Variants in DAB2 observed in about 807,000 individuals in gnomAD.
DAB2 encodes DAB adaptor protein 2.
Under a neutral mutation model 71.6 loss-of-function variants are expected in DAB2, and 28 were observed. The ratio of observed to expected loss-of-function variants is 0.39; its 90% CI spans 0.29 to 0.54. DAB2 has a LOEUF of 0.54. Ranked by LOEUF, DAB2 falls within the 20% of genes least tolerant of loss-of-function variation. The pLI is 0.68. For synonymous variants in DAB2, 345 were observed against 339.7 expected, an observed-to-expected ratio of 1.02 and a Z score of -0.17; for missense variants, 867 against 928.8, an observed-to-expected ratio of 0.93 and a Z score of 0.86.
In DAB2 at chr5:39,372,985, A is replaced by G. The variant is rs1221266246; in HGVS notation, c.*446T>C. The G allele has an allele frequency of 6.6e-6, 1 of 152,146 alleles. No homozygotes were observed. The highest frequency in any genetic ancestry group is 1.5e-5 in the Non-Finnish European group (1 of 68,028). The allele number at this position is 152,146 out of a possible 1,614,324, so 9.4% of individuals were successfully genotyped here. A position where few individuals can be genotyped will look rare whatever the true frequency, so the allele number is the denominator to read the frequency against. On this transcript the variant is annotated 3_prime_UTR_variant, in exon 15 of 15. Coordinates refer to ENST00000320816, the MANE Select transcript of DAB2 (RefSeq NM_001343.4). The stretch of plus-strand genomic sequence containing the variant: ...TTTTAAGAAGGTGCCTTGTTCTACT[A>G]TAACCTTTAGGTTTTATGCTCTGAA...
chr5:39,403,281 C>T (rs1181952856), intron 1 of DAB2, among the ~76,000 whole-genome samples: 1 of 152,146 alleles, frequency 6.6e-6, no homozygotes, highest in Non-Finnish European at 1.5e-5. Context: ...GGGGACAAAG[C>T]TGGCACCAGG....
At chr5:39,389,761 C>T (rs1755179740) in intron 6 of DAB2, 91 bp downstream of exon 6, 1 of 709,932 alleles carries the variant, frequency 1.4e-6, no homozygotes, top group African/African-American at 1.9e-5. Context: ...ATCCACCCAC[C>T]TCTGCCTCCC....
chr5:39,374,815 A>G, intron 14 of DAB2, 199 bp downstream of exon 14: 1 of 526,950 alleles, frequency 1.9e-6, no homozygotes, highest in East Asian at 3.5e-5. Flanking sequence ...CTATTTTTTG[A>G]TGTGTTTAGG....
At chr5:39,408,303 T>C (rs1755649610) in intron 1 of DAB2, 1 of 152,208 alleles carries the variant, frequency 6.6e-6, no homozygotes, top group Non-Finnish European at 1.5e-5. Context: ...CAAAACAAGA[T>C]CAGTTTAACT....
intron 1 of DAB2, chr5:39,423,778 T>C (rs188980806): frequency 1.3e-5 from 2 of 152,324 alleles, no homozygotes; most frequent in East Asian, 3.9e-4. Flanking sequence ...TATAGAGCAA[T>C]AGCAACATTT....
chr5:39,393,729 A>G (rs1755290876), intron 2 of DAB2, among the ~76,000 whole-genome samples: 1 of 152,186 alleles, frequency 6.6e-6, no homozygotes, highest in South Asian at 2.1e-4. Context: ...ATGATAATAT[A>G]TGTATTTTTA....
intron 1 of DAB2, chr5:39,408,832 G>C (rs1011603961): frequency 1.3e-5 from 2 of 152,160 alleles, no homozygotes; most frequent in African/African-American, 2.4e-5. Flanking sequence ...TTGGCAGTTT[G>C]TTTCCTAGAA....
chr5:39,393,941 G>A (rs185516222), intron 2 of DAB2, among the ~76,000 whole-genome samples: 1 of 152,198 alleles, frequency 6.6e-6, no homozygotes, highest in African/African-American at 2.4e-5. Context: ...ATAACTGAAT[G>A]ATAACCATAT....
At position 39,424,920 on chromosome 5, in the gene DAB2, A is replaced by C. The variant is rs538557880; in HGVS notation, c.-218T>G. 6.6e-6 allele frequency: 1 copy of C among 152,230 alleles called. No homozygotes were observed. The highest frequency in any genetic ancestry group is 6.6e-5 in the Admixed American group (1 of 15,262). The allele number at this position is 152,230 out of a possible 1,614,324, so 9.4% of individuals were successfully genotyped here. A position where few individuals can be genotyped will look rare whatever the true frequency, so the allele number is the denominator to read the frequency against. Reference sequence around the variant, plus strand: ...AATAGCCGCCGGCCGGGAGCTTCGGAGCCGCGCGGCCACTCCCGGCGAGAG... The same window carrying C: ...AATAGCCGCCGGCCGGGAGCTTCGGCGCCGCGCGGCCACTCCCGGCGAGAG... On this transcript the variant is annotated 5_prime_UTR_variant, in exon 1 of 15. Transcript: ENST00000320816.
intron 11 of DAB2, among the ~76,000 whole-genome samples, chr5:39,379,865 C>G (rs1347189504): frequency 6.6e-6 from 1 of 152,150 alleles, no homozygotes; most frequent in African/African-American, 2.4e-5. Flanking sequence ...CATGTCCAAA[C>G]TTGGAACAAT....
chr5:39,392,344 T>A (rs1755252625), intron 4 of DAB2, 21 bp downstream of exon 4: 1 of 1,576,374 alleles, frequency 6.3e-7, no homozygotes, highest in African/African-American at 1.3e-5. Context: ...CAGAGAGGTA[T>A]CAGCAAATGT....
Position 39,384,738 on chromosome 5 carries a change from C to T in DAB2, c.688-1467G>A, listed in dbSNP as rs3905922. Among the ~76,000 whole-genome samples the T allele has an allele frequency of 2.4e-3, 367 of 152,110 alleles. 2 individuals carry two copies. Among genetic ancestry groups the T allele is most frequent in the African/African-American group, 8.4e-3 (350 of 41,512 alleles). On this transcript the variant is annotated intron_variant, in intron 9 of 14. Transcript: ENST00000320816. Reference sequence around the variant, plus strand: ...ATAACTCATCCTAGAACAGAACTTTCATACTGACATCACTTCCTTCTGCTT... The same window carrying T: ...ATAACTCATCCTAGAACAGAACTTTTATACTGACATCACTTCCTTCTGCTT...
At chr5:39,378,582 G>C (rs1754886747) in intron 11 of DAB2, among the ~76,000 whole-genome samples, 1 of 152,218 alleles carries the variant, frequency 6.6e-6, no homozygotes, top group Non-Finnish European at 1.5e-5. Context: ...CATCATGCAT[G>C]CTGGCCATCT....
In DAB2 at chr5:39,382,993, C is replaced by A; in HGVS notation, c.966G>T (p.Glu322Asp). The stretch of plus-strand genomic sequence containing the variant: ...GCGGAGTAGACGAGCTACTCGAATT[C>A]TCTTTCTTCTGATCTGGAGATTTGA... ...DSLKSPDQKK[E>D]NSSSSSTPLS... is the part of the protein sequence containing the mutation. Residue 322 changes from glutamate to aspartate, a missense_variant, in exon 10 of 15, where the codon GAG becomes GAT. By Grantham distance (45) the Glu-to-Asp change is conservative (BLOSUM62 2). Coordinates refer to ENST00000320816, the MANE Select transcript of DAB2 (RefSeq NM_001343.4). 1 of 1,614,128 alleles carries A rather than the reference C, an allele frequency of 6.2e-7. No homozygotes were observed. The highest frequency in any genetic ancestry group is 8.5e-7 in the Non-Finnish European group (1 of 1,180,042).
intron 1 of DAB2, among the ~76,000 whole-genome samples, chr5:39,411,264 A>C (rs567204364): frequency 2.2e-4 from 33 of 152,302 alleles, no homozygotes; most frequent in African/African-American, 7.9e-4. Flanking sequence ...TGTCAACATC[A>C]ATGAGTCATA....
intron 1 of DAB2, among the ~76,000 whole-genome samples, chr5:39,406,375 G>A (rs1755611507): frequency 6.6e-6 from 1 of 152,148 alleles, no homozygotes; most frequent in South Asian, 2.1e-4. Context: ...CCCATACCTG[G>A]AGACACTACT....
At position 39,392,513 on chromosome 5, in the gene DAB2, C is replaced by G. The variant is rs771760356; in HGVS notation, c.232-50G>C. 5.9e-6 allele frequency: 8 copies of G among 1,349,710 alleles called. No individual in the cohort carries two copies. In the South Asian group the frequency reaches 9.5e-5, roughly 16 times the overall value. The allele number at this position is 1,349,710 out of a possible 1,614,324, so 83.6% of individuals were successfully genotyped here. A position where few individuals can be genotyped will look rare whatever the true frequency, so the allele number is the denominator to read the frequency against. ...AAGTTGAATTTTTAAAAACATCCTACAATGGTTTTAATATTAAAATTTTCA... is the reference window on the plus strand; with the variant it reads ...AAGTTGAATTTTTAAAAACATCCTAGAATGGTTTTAATATTAAAATTTTCA... On this transcript the variant is annotated intron_variant, in intron 3 of 14. Transcript: ENST00000320816.
At chr5:39,412,332 C>A (rs1489852330) in intron 1 of DAB2, among the ~76,000 whole-genome samples, 1 of 152,020 alleles carries the variant, frequency 6.6e-6, no homozygotes, top group Admixed American at 6.6e-5. Flanking sequence ...GGTGATTGAT[C>A]CCAACTTAAA....
chr5:39,400,598 A>T (rs924562616), intron 1 of DAB2, among the ~76,000 whole-genome samples: 1 of 152,186 alleles, frequency 6.6e-6, no homozygotes. Flanking sequence ...GCCATAAGCC[A>T]TTGGGCTCAA....
Sources: allele counts gnomAD v4.1 joint callset (sites outside exome capture counted in the v4.1 genomes callset), GRCh38; gene constraint gnomAD v4.1.1; transcripts MANE v1.5; gene names NCBI Gene and HGNC (gene_info 2026-07-23, HGNC 2026-07-21).